The following FHIT variants were observed in gnomAD, a reference collection of about 807,000 sequenced individuals.
FHIT encodes bis(5'-adenosyl)-triphosphatase.
A neutral mutation model predicts 17.9 loss-of-function variants in FHIT; 19 were observed. The ratio of observed to expected loss-of-function variants is 1.06; its 90% CI spans 0.74 to 1.56. The LOEUF is 1.56. Among genes scored for constraint, FHIT ranks in the 40% most tolerant of loss-of-function variants. The pLI is 0.00. For synonymous variants in FHIT, 81 were observed against 69.7 expected (o/e 1.16, Z -0.81); for missense variants, 248 against 189.2 (o/e 1.31, Z -1.82).
At position 60,006,204 on chromosome 3, in the gene FHIT, A is replaced by G. The variant is rs538181340; in HGVS notation, c.279+5167T>C. Among the ~76,000 whole-genome samples the G allele has an allele frequency of 2.0e-5, 3 of 152,304 alleles. No homozygotes were observed. The East Asian group carries it at 5.8e-4, about 29-fold the overall frequency. On this transcript the variant is annotated intron_variant, in intron 7 of 9. Coordinates refer to ENST00000492590, the MANE Select transcript of FHIT (RefSeq NM_002012.4). ...AGAGAGGGCCAGTATTATTTTCCCC[A>G]ATTAAGAAGGCAGATTTCTGAATTT...
At chr3:60,103,491 G>A (rs959318058) in intron 5 of FHIT, among the ~76,000 whole-genome samples, 1 of 152,112 alleles carries the variant, frequency 6.6e-6, no homozygotes, top group Non-Finnish European at 1.5e-5. Context: ...GGATAAAAAG[G>A]GATCTGGCTA....
intron 5 of FHIT, among the ~76,000 whole-genome samples, chr3:60,063,215 G>C (rs574272683): frequency 6.6e-6 from 1 of 152,216 alleles, no homozygotes; most frequent in Non-Finnish European, 1.5e-5. Flanking sequence ...ATTATAGTTA[G>C]ATCTCCATTG....
chr3:60,432,917 CTTTT>C (rs5849363), intron 5 of FHIT, among the ~76,000 whole-genome samples: 21 of 148,872 alleles, frequency 1.4e-4, no homozygotes, highest in Middle Eastern at 3.4e-3. Flanking sequence ...GAAGAATTGT[CTTTT>C]TTTTTTTTAC....
intron 5 of FHIT, among the ~76,000 whole-genome samples, chr3:60,524,795 C>T (rs1158658238): frequency 1.3e-5 from 2 of 152,132 alleles, no homozygotes; most frequent in African/African-American, 4.8e-5. Context: ...AAGGACACTG[C>T]CATTGGATGT....
chr3:60,126,281 T>C (rs770343180), intron 5 of FHIT, among the ~76,000 whole-genome samples: 13 of 152,216 alleles, frequency 8.5e-5, no homozygotes, highest in Non-Finnish European at 1.6e-4. Context: ...GTTCCTGTAC[T>C]AACCTTGTGG....
At chr3:59,854,867 C>G (rs547369542) in intron 8 of FHIT, among the ~76,000 whole-genome samples, 1 of 152,306 alleles carries the variant, frequency 6.6e-6, no homozygotes, top group South Asian at 2.1e-4. Context: ...GAAGCTCATG[C>G]AGCTAAGTCT....
At chr3:60,370,073 C>G (rs866871758) in intron 5 of FHIT, among the ~76,000 whole-genome samples, 1 of 152,134 alleles carries the variant, frequency 6.6e-6, no homozygotes, top group Non-Finnish European at 1.5e-5. Context: ...TGCCTATGTC[C>G]GAGAGCTTTG....
intron 2 of FHIT, among the ~76,000 whole-genome samples, chr3:61,058,539 CAAT>C (rs2034309352): frequency 6.6e-6 from 1 of 152,098 alleles, no homozygotes; most frequent in Non-Finnish European, 1.5e-5. Context: ...GCTGTTCTCG[CAAT>C]AATGAGTGAG....
chr3:60,901,547 C>A (rs941196124), intron 3 of FHIT, among the ~76,000 whole-genome samples: 14 of 152,126 alleles, frequency 9.2e-5, no homozygotes, highest in African/African-American at 3.4e-4. Context: ...ACATTGACGG[C>A]AAAAGGTAAA....
intron 4 of FHIT, among the ~76,000 whole-genome samples, chr3:60,604,014 G>C (rs1332689757): frequency 6.6e-6 from 1 of 152,160 alleles, no homozygotes; most frequent in Non-Finnish European, 1.5e-5. Context: ...GAGTTGTTGA[G>C]TGTCTACTAT....
intron 3 of FHIT, among the ~76,000 whole-genome samples, chr3:60,890,221 T>TAAAAAAAAA (rs59950717): frequency 3.5e-5 from 4 of 115,658 alleles, no homozygotes; most frequent in Admixed American, 8.4e-5. Context: ...TTCCATGATG[T>TAAAAAAAAA]AAAAAAAAAA....
chr3:60,160,559 G>A (rs1191439510), intron 5 of FHIT, among the ~76,000 whole-genome samples: 1 of 152,156 alleles, frequency 6.6e-6, no homozygotes, highest in Non-Finnish European at 1.5e-5. Flanking sequence ...TTCTCAAGCT[G>A]GAGCCCTTAG....
chr3:60,478,493 G>A (rs1028469212), intron 5 of FHIT, among the ~76,000 whole-genome samples: 1 of 152,000 alleles, frequency 6.6e-6, no homozygotes, highest in Non-Finnish European at 1.5e-5. Context: ...TGCCTCTTGC[G>A]GCAAAGAAAG....
chr3:60,045,310 G>T (rs1260157136), intron 5 of FHIT, among the ~76,000 whole-genome samples: 1 of 152,162 alleles, frequency 6.6e-6, no homozygotes, highest in African/African-American at 2.4e-5. Flanking sequence ...TGGACTTACA[G>T]TTCCACATGG....
At chr3:59,791,556 G>C (rs962157363) in intron 8 of FHIT, among the ~76,000 whole-genome samples, 1 of 152,108 alleles carries the variant, frequency 6.6e-6, no homozygotes, top group African/African-American at 2.4e-5. Context: ...TTCTCTTAAG[G>C]CTCTTAAGGC....
intron 3 of FHIT, among the ~76,000 whole-genome samples, chr3:60,947,203 A>C (rs1318284782): frequency 2.6e-5 from 4 of 152,206 alleles, no homozygotes; most frequent in Admixed American, 6.5e-5. Context: ...GCAGGATTCC[A>C]AAAATTCATT....
At chr3:61,210,091 T>C (rs2039407559) in intron 1 of FHIT, among the ~76,000 whole-genome samples, 1 of 152,254 alleles carries the variant, frequency 6.6e-6, no homozygotes, top group South Asian at 2.1e-4. Flanking sequence ...AGACTCTGTG[T>C]GCCTGGGTAT....
At chr3:60,142,580 C>T (rs1173793465) in intron 5 of FHIT, among the ~76,000 whole-genome samples, 2 of 152,118 alleles carry the variant, frequency 1.3e-5, no homozygotes, top group African/African-American at 4.8e-5. Context: ...CTCACTATAG[C>T]CTCAAACTCC....
At chr3:60,395,117 C>T (rs1030736403) in intron 5 of FHIT, among the ~76,000 whole-genome samples, 4 of 152,084 alleles carry the variant, frequency 2.6e-5, no homozygotes, top group South Asian at 2.1e-4. Context: ...GTAGTTGAAA[C>T]GGCAGAAATA....
Sources: gnomAD v4.1 joint callset for allele counts (sites outside exome capture counted in the v4.1 genomes callset) on GRCh38, gnomAD v4.1.1 for gene constraint, MANE v1.5 for transcripts, NCBI Gene and HGNC (gene_info 2026-07-23, HGNC 2026-07-21) for gene names.